The following AGL variants were observed in gnomAD, a reference collection of about 807,000 sequenced individuals.
AGL encodes the protein glycogen debranching enzyme.
AGL carries 128 observed loss-of-function variants against 199.3 expected under a neutral mutation model. The observed-to-expected ratio is 0.64, with a 90% CI of 0.56 to 0.74. AGL has a LOEUF of 0.74. Ranked by LOEUF, AGL falls within the 30% of genes least tolerant of loss-of-function variation. The pLI is 0.00. For missense variants in AGL, 1,809 were observed against 1,820.8 expected, an observed-to-expected ratio of 0.99 and a Z score of 0.12; for synonymous variants, 584 against 594.7, an observed-to-expected ratio of 0.98 and a Z score of 0.26.
intron 5 of AGL, among the ~76,000 whole-genome samples, chr1:99,865,923 A>G (rs987248303): frequency 6.6e-6 from 1 of 152,190 alleles, no homozygotes; most frequent in African/African-American, 2.4e-5. Context: ...CTCCAGTTCT[A>G]CGGTGAAAAC....
At chr1:99,860,276 A>G (rs1182239577) in intron 2 of AGL, among the ~76,000 whole-genome samples, 1 of 151,672 alleles carries the variant, frequency 6.6e-6, no homozygotes, top group East Asian at 1.9e-4. Context: ...TAAATAATAT[A>G]TATTAAATAG....
intron 17 of AGL, among the ~76,000 whole-genome samples, chr1:99,883,855 T>A (rs1652239399): frequency 6.6e-6 from 1 of 152,160 alleles, no homozygotes; most frequent in African/African-American, 2.4e-5. Context: ...TTTTCTCTGC[T>A]CAAAATTAGG....
intron 13 of AGL, 83 bp downstream of exon 13, chr1:99,880,129 T>C (rs1447895230): frequency 2.6e-6 from 4 of 1,568,248 alleles, no homozygotes; most frequent in Admixed American, 3.4e-5. Context: ...TCATATGCAA[T>C]GCTTAATAAT....
Position 99,870,889 on chromosome 1 carries a change from A to G in AGL, c.958+20A>G. On this transcript the variant is annotated intron_variant, in intron 7 of 33. Transcript: ENST00000361915. ...CACAAGGTAAAGGATACATACTAGA[A>G]TGTTCCTATCGATTTTAAGAAATGT... The G allele has an allele frequency of 7.2e-7, 1 of 1,397,418 alleles. No homozygotes were observed. Among genetic ancestry groups the G allele is most frequent in the Non-Finnish European group, 1.0e-6 (1 of 984,728 alleles). 86.6% of individuals were successfully genotyped at this position (1,397,418 alleles called of 1,614,324 possible).
At chr1:99,874,528 C>A in intron 7 of AGL, 159 bp from the exon 8 acceptor site, 1 of 713,654 alleles carries the variant, frequency 1.4e-6, no homozygotes, top group South Asian at 1.7e-5. Context: ...CACGTGCACA[C>A]AGCAGGATGA....
In AGL at chr1:99,896,372, C is replaced by T. The variant is rs773625464; in HGVS notation, c.3346C>T (p.Arg1116Cys). ...TAGAGGTATACTGCTGATTACTGGA[C>T]GCTATGTAGAAGCCAGGTAGGAGAG... ...ALRGILLITGRYVEARNIILA... is the reference protein window; with the variant it reads ...ALRGILLITGCYVEARNIILA... Residue 1116 changes from arginine (R) to cysteine (C), a missense_variant, in exon 25 of 34, where the codon CGC (arginine) becomes TGC (cysteine). Transcript: ENST00000361915. 86 of 1,613,454 alleles carry T rather than the reference C, an allele frequency of 5.3e-5. No individual in the cohort carries two copies. The highest frequency in any genetic ancestry group is 6.6e-5 in the Non-Finnish European group (78 of 1,179,582).
chr1:99,909,177 G>A (rs192870278), intron 27 of AGL, among the ~76,000 whole-genome samples: 29 of 152,004 alleles, frequency 1.9e-4, no homozygotes, highest in South Asian at 4.2e-4. Context: ...TGTCCCTAAC[G>A]ACCTGCTTCC....
In AGL at chr1:99,912,501, C is replaced by T. The variant is rs1654821073; in HGVS notation, c.3933C>T (p.Val1311=). The T allele has an allele frequency of 4.3e-6, 7 of 1,612,042 alleles. No homozygotes were observed. Among genetic ancestry groups the T allele is most frequent in the Non-Finnish European group, 5.9e-6 (7 of 1,178,504 alleles). ...SKKNIFPYHE[V]TVKRHGKAIK... ...AAAATATTTTCCCTTATCATGAAGT[C>T]ACAGTAAAAAGACATGGTAAGCTGG... Residue 1311 remains valine (V), a synonymous_variant, in exon 29 of 34, where the codon GTC becomes GTT. Coordinates refer to ENST00000361915, the MANE Select transcript of AGL (RefSeq NM_000642.3).
chr1:99,911,635 G>T (rs953221051), intron 28 of AGL, among the ~76,000 whole-genome samples: 4 of 152,226 alleles, frequency 2.6e-5, no homozygotes, highest in African/African-American at 9.6e-5. Flanking sequence ...TGAAGACGAG[G>T]TTTCACCATG....
At chr1:99,893,348 T>C (rs892778545) in intron 24 of AGL, among the ~76,000 whole-genome samples, 3 of 152,222 alleles carry the variant, frequency 2.0e-5, no homozygotes, top group African/African-American at 7.2e-5. Flanking sequence ...ACAACTAAAA[T>C]GAAAATTACC....
intron 2 of AGL, among the ~76,000 whole-genome samples, chr1:99,855,553 C>T (rs1302154557): frequency 6.6e-6 from 1 of 152,138 alleles, no homozygotes; most frequent in African/African-American, 2.4e-5. Flanking sequence ...GTAATCCCGG[C>T]ACTTTGGGAG....
chr1:99,849,537 A>C (rs980776903), upstream of AGL, among the ~76,000 whole-genome samples: 1 of 152,064 alleles, frequency 6.6e-6, no homozygotes, highest in Non-Finnish European at 1.5e-5. Context: ...GTACACCCGG[A>C]CACCGTTAAG....
intron 10 of AGL, 108 bp downstream of exon 10, chr1:99,875,563 T>C: frequency 1.1e-6 from 1 of 948,666 alleles, no homozygotes; most frequent in Non-Finnish European, 1.6e-6. Flanking sequence ...TCAGTACATT[T>C]CTTAAATTGA....
chr1:99,870,275 A>T, intron 5 of AGL, 125 bp from the exon 6 acceptor site: 1 of 991,654 alleles, frequency 1.0e-6, no homozygotes, highest in Non-Finnish European at 1.5e-6. Flanking sequence ...TCATCGTAAA[A>T]TTGATGTCCA....
At chr1:99,853,209 T>C (rs1342550076) in intron 2 of AGL, among the ~76,000 whole-genome samples, 1 of 152,180 alleles carries the variant, frequency 6.6e-6, no homozygotes, top group Non-Finnish European at 1.5e-5. Context: ...CTGTCTGACT[T>C]CTAAGACATT....
chr1:99,873,489 C>T (rs537735892), intron 7 of AGL, among the ~76,000 whole-genome samples: 2 of 148,430 alleles, frequency 1.3e-5, no homozygotes, highest in African/African-American at 5.0e-5. Context: ...GGCTAAAGTG[C>T]AGTGGTGTAA....
chr1:99,864,799 A>C (rs1277617812), intron 5 of AGL, among the ~76,000 whole-genome samples: 1 of 152,218 alleles, frequency 6.6e-6, no homozygotes, highest in Non-Finnish European at 1.5e-5. Flanking sequence ...GATTAAGTCA[A>C]TATATAAGTA....
At chr1:99,876,786 C>T (rs1651577798) in intron 11 of AGL, among the ~76,000 whole-genome samples, 189 bp downstream of exon 11, 2 of 152,360 alleles carry the variant, frequency 1.3e-5, no homozygotes, top group South Asian at 2.1e-4. Flanking sequence ...AGTTCATCTT[C>T]TGTCCTCTCC....
chr1:99,854,504 T>C (rs1649244298), intron 2 of AGL, among the ~76,000 whole-genome samples: 1 of 152,206 alleles, frequency 6.6e-6, no homozygotes. Context: ...GGCTCACGCC[T>C]GTAATCCTAG....
Sources: gnomAD v4.1 joint callset for allele counts (sites outside exome capture counted in the v4.1 genomes callset) on GRCh38, gnomAD v4.1.1 for gene constraint, MANE v1.5 for transcripts, NCBI Gene and HGNC (gene_info 2026-07-23, HGNC 2026-07-21) for gene names.